PCSK5: variants seen among roughly 807,000 people sequenced by gnomAD.
PCSK5 encodes proprotein convertase subtilisin/kexin type 5, also known as prohormone convertase 5.
A neutral mutation model predicts 233.2 loss-of-function variants in PCSK5; 129 were observed. The ratio of observed to expected loss-of-function variants is 0.55; its 90% CI spans 0.48 to 0.64. PCSK5 has a LOEUF of 0.64. PCSK5 is among the 30% of genes least tolerant of loss of function. PCSK5 has a pLI of 0.00. For synonymous variants in PCSK5, 825 were observed against 879.2 expected (o/e 0.94, Z 1.09); for missense variants, 2,076 against 2,430.1 (o/e 0.85, Z 3.06).
chr9:75,974,514 T>A (rs1287996105), intron 2 of PCSK5, among the ~76,000 whole-genome samples: 5 of 152,184 alleles, frequency 3.3e-5, no homozygotes, highest in Non-Finnish European at 5.9e-5. Context: ...AAGGCATGCT[T>A]TTCCCCCACC....
rs553754430 is a variant in PCSK5 at position 76,334,438 on chromosome 9, A to T, written c.4748+1828A>T. Among the ~76,000 whole-genome samples the T allele has an allele frequency of 2.0e-5, 3 of 152,364 alleles. No homozygotes were observed. The South Asian group carries it at 6.2e-4, about 32-fold the overall frequency. Reference sequence around the variant, plus strand: ...AGAGCCACACATTGGCAGCTCTTGAAAAACACCAGCCAGGCTGGGCAGGGT... The same window carrying T: ...AGAGCCACACATTGGCAGCTCTTGATAAACACCAGCCAGGCTGGGCAGGGT... On this transcript the variant is annotated intron_variant, in intron 34 of 37. Transcript: ENST00000674117.
chr9:75,962,762 G>A (rs185838027), intron 2 of PCSK5, among the ~76,000 whole-genome samples: 1 of 152,184 alleles, frequency 6.6e-6, no homozygotes. Flanking sequence ...ACTGATGTCA[G>A]GAAGACATCA....
At chr9:76,019,517 T>A (rs541535456) in intron 3 of PCSK5, among the ~76,000 whole-genome samples, 1 of 152,188 alleles carries the variant, frequency 6.6e-6, no homozygotes, top group Non-Finnish European at 1.5e-5. Flanking sequence ...GGCAGTTCAT[T>A]GGAGACCCTC....
At chr9:76,102,123 G>T (rs183245314) in intron 8 of PCSK5, among the ~76,000 whole-genome samples, 1 of 152,258 alleles carries the variant, frequency 6.6e-6, no homozygotes, top group African/African-American at 2.4e-5. Context: ...ACTTGGGCTG[G>T]GTCACGAGGC....
Position 76,328,014 on chromosome 9 carries a change from C to A in PCSK5, c.4345C>A (p.His1449Asn). Residue 1449 changes from histidine to asparagine, a missense_variant, in exon 33 of 38, where the codon CAC becomes AAC. Physicochemically the swap from His to Asn is moderately conservative, Grantham distance 68. Coordinates refer to ENST00000674117, the MANE Select transcript of PCSK5 (RefSeq NM_001372043.1). Reference sequence around the variant, plus strand: ...CTGCCCCTCCACGCCCACAGATTGCCACAAGTCCTGCTTGACCTGCTCATC... The same window carrying A: ...CTGCCCCTCCACGCCCACAGATTGCAACAAGTCCTGCTTGACCTGCTCATC... Reference protein sequence around the residue: ...EKETKECRDCHKSCLTCSSSG... With the variant: ...EKETKECRDCNKSCLTCSSSG... 1 of 1,610,010 alleles carries A rather than the reference C, an allele frequency of 6.2e-7. No homozygotes were observed. Among genetic ancestry groups the A allele is most frequent in the Non-Finnish European group, 8.5e-7 (1 of 1,177,328 alleles).
intron 27 of PCSK5, among the ~76,000 whole-genome samples, chr9:76,299,384 C>A (rs1020277981): frequency 2.0e-5 from 3 of 152,156 alleles, no homozygotes; most frequent in Admixed American, 1.3e-4. Flanking sequence ...AACCAATATT[C>A]AAGGCCGGAC....
At chr9:76,014,469 C>T (rs1169639810) in intron 3 of PCSK5, among the ~76,000 whole-genome samples, 2 of 152,156 alleles carry the variant, frequency 1.3e-5, no homozygotes, top group African/African-American at 4.8e-5. Context: ...AATTTCTTCT[C>T]AACTTAGGTA....
At chr9:76,286,939 G>A in intron 24 of PCSK5, 1 of 240,016 alleles carries the variant, frequency 4.2e-6, no homozygotes, top group South Asian at 6.1e-5. Flanking sequence ...AGCCTGCCCT[G>A]TGGAAACCTG....
chr9:76,273,027 C>T lies in PCSK5; in HGVS notation c.3143-19206C>T, dbSNP rs77699230. ...GGGCAACTATGCTATATTTTGAGGT[C>T]TTGTCACTCATTCTACAGTTCCCTC... On this transcript the variant is annotated intron_variant, in intron 24 of 37. Transcript: ENST00000674117. 6.3e-3 allele frequency among the ~76,000 whole-genome samples: 952 copies of T among 152,090 alleles called. 14 individuals carry two copies. The highest frequency in any genetic ancestry group is 0.021 in the African/African-American group (858 of 41,504).
intron 20 of PCSK5, among the ~76,000 whole-genome samples, chr9:76,216,438 C>CCTGAGCT (rs1207114562): frequency 6.6e-6 from 1 of 152,196 alleles, no homozygotes; most frequent in African/African-American, 2.4e-5. Flanking sequence ...AGTTAGCTCA[C>CCTGAGCT]AACCAATTCC....
At chr9:76,059,219 T>C (rs975767706) in intron 5 of PCSK5, among the ~76,000 whole-genome samples, 17 of 152,298 alleles carry the variant, frequency 1.1e-4, no homozygotes, top group African/African-American at 3.6e-4. Flanking sequence ...ACTTCGATTT[T>C]TTTCTTGTAA....
rs1159431175 is a variant in PCSK5 at position 76,358,852 on chromosome 9, A to T, written c.5594A>T (p.Tyr1865Phe). 5 of 1,612,752 alleles carry T rather than the reference A, an allele frequency of 3.1e-6. No individual in the cohort carries two copies. The highest frequency in any genetic ancestry group is 4.2e-6 in the Non-Finnish European group (5 of 1,179,876). Residue 1865 changes from tyrosine (Y) to phenylalanine (F), a missense_variant, in exon 38 of 38, where the codon TAT becomes TTT. By Grantham distance (22) the Tyr-to-Phe change is conservative (BLOSUM62 3). Transcript: ENST00000674117. ...GGCACAGTCTACCGGAAATTTAAATATGGGCTGCTGGATGACGATGACATA... is the reference window on the plus strand; with the variant it reads ...GGCACAGTCTACCGGAAATTTAAATTTGGGCTGCTGGATGACGATGACATA... The part of the protein sequence containing the change: ...QDGTVYRKFK[Y>F]GLLDDDDIDE...
chr9:75,981,968 A>C (rs4467999), intron 2 of PCSK5, among the ~76,000 whole-genome samples: 111,796 of 152,100 alleles, frequency 0.74, 41,396 homozygotes, highest in East Asian at 0.83. Context: ...AGTAGAAGGC[A>C]TCCCTCTTAT....
chr9:76,091,695 A>G (rs1316799087), intron 7 of PCSK5, among the ~76,000 whole-genome samples: 1 of 152,030 alleles, frequency 6.6e-6, no homozygotes, highest in African/African-American at 2.4e-5. Context: ...GGGCTCAGGT[A>G]TGCATTCACC....
intron 1 of PCSK5, among the ~76,000 whole-genome samples, chr9:75,929,276 A>T (rs1393997383): frequency 6.6e-6 from 1 of 152,112 alleles, no homozygotes; most frequent in Non-Finnish European, 1.5e-5. Flanking sequence ...CTTTAATGAG[A>T]TTCTATTCTG....
intron 35 of PCSK5, among the ~76,000 whole-genome samples, chr9:76,349,781 G>T (rs1830071863): frequency 6.6e-6 from 1 of 152,202 alleles, no homozygotes; most frequent in South Asian, 2.1e-4. Context: ...CTTCCTAACA[G>T]AATGAGATAG....
chr9:75,941,059 A>G (rs963786082), intron 2 of PCSK5, among the ~76,000 whole-genome samples: 20 of 152,182 alleles, frequency 1.3e-4, no homozygotes, highest in African/African-American at 4.8e-4. Context: ...CTTCAAAGTG[A>G]GTTTCACCTG....
intron 8 of PCSK5, among the ~76,000 whole-genome samples, chr9:76,097,386 A>G (rs1024540010): frequency 6.8e-6 from 1 of 147,732 alleles, no homozygotes; most frequent in African/African-American, 2.5e-5. Flanking sequence ...CAGCCTCCCG[A>G]GTAGCTGGGA....
intron 24 of PCSK5, among the ~76,000 whole-genome samples, chr9:76,278,973 A>G (rs1198143148): frequency 1.3e-5 from 2 of 151,794 alleles, no homozygotes; most frequent in Admixed American, 6.6e-5. Context: ...CAGGTTAGTT[A>G]CATATGTATA....
Sources: allele counts gnomAD v4.1 joint callset (sites outside exome capture counted in the v4.1 genomes callset), GRCh38; gene constraint gnomAD v4.1.1; transcripts MANE v1.5; gene names NCBI Gene and HGNC (gene_info 2026-07-23, HGNC 2026-07-21).